LGALS8: variants seen among roughly 807,000 people sequenced by gnomAD.
LGALS8 encodes the protein galectin 8, also known as galectin-8.
LGALS8 carries 30 observed loss-of-function variants against 35.9 expected under a neutral mutation model. The ratio of observed to expected loss-of-function variants is 0.83; its 90% CI spans 0.62 to 1.13. The LOEUF is 1.13. Ranked by LOEUF, LGALS8 falls within the 50% of genes most tolerant of loss-of-function variation. The probability of loss-of-function intolerance (pLI) is 0.00; values close to 1 mark genes in which losing one functional copy is unlikely to be tolerated. For synonymous variants in LGALS8, 138 were observed against 136.1 expected (o/e 1.01, Z -0.10); for missense variants, 366 against 388.7 (o/e 0.94, Z 0.49).
intron 4 of LGALS8, among the ~76,000 whole-genome samples, chr1:236,539,580 T>C (rs1661820228): frequency 6.6e-6 from 1 of 151,190 alleles, no homozygotes. Context: ...ATGGAGTGTC[T>C]TGTACCTAGC....
rs1662575713 is a variant in LGALS8, at chr1:236,548,855, T to G, written c.*694T>G. On this transcript the variant is annotated 3_prime_UTR_variant, in exon 10 of 10. Coordinates refer to ENST00000366584, the MANE Select transcript of LGALS8 (RefSeq NM_201544.4). ...TGGCATGACATCTGAGCACAGAAAT[T>G]AAGGCAAAAAACCAAAGCAAAACAA... 1.0e-5 allele frequency: 4 copies of G among 398,158 alleles called. No individual in the cohort carries two copies. The highest frequency in any genetic ancestry group is 1.8e-5 in the Non-Finnish European group (4 of 225,888). The allele number at this position is 398,158 out of a possible 1,614,324, so 24.7% of individuals were successfully genotyped here.
intron 2 of LGALS8, among the ~76,000 whole-genome samples, chr1:236,530,698 C>T (rs1047613586): frequency 1.3e-5 from 2 of 152,198 alleles, no homozygotes; most frequent in Admixed American, 6.5e-5. Context: ...ACTTTTGCCT[C>T]CTCCCTTGTT....
intron 2 of LGALS8, among the ~76,000 whole-genome samples, chr1:236,535,568 G>A (rs780039258): frequency 1.5e-4 from 23 of 152,060 alleles, no homozygotes; most frequent in Non-Finnish European, 2.1e-4. Context: ...AGAGATTAAC[G>A]CTATGAAACC....
At chr1:236,522,852 A>G (rs867594007), upstream of LGALS8, among the ~76,000 whole-genome samples, 3 of 152,212 alleles carry the variant, frequency 2.0e-5, no homozygotes, top group Non-Finnish European at 4.4e-5. Context: ...GGAGGAGAGA[A>G]AAGCAACAGT....
chr1:236,546,185 A>T (rs2794783), intron 9 of LGALS8, among the ~76,000 whole-genome samples: 6 of 152,172 alleles, frequency 3.9e-5, no homozygotes, highest in Non-Finnish European at 7.4e-5. Context: ...CATTCCAGGC[A>T]TTTTTTTGCA....
At chr1:236,540,469 G>A (rs2103096138) in intron 4 of LGALS8, 95 bp from the exon 5 acceptor site, 1 of 1,373,980 alleles carries the variant, frequency 7.3e-7, no homozygotes, top group Non-Finnish European at 9.6e-7. Context: ...GTATAAAACT[G>A]GACGCAAGGA....
chr1:236,551,929 G>A lies in LGALS8; in HGVS notation c.*3768G>A. On this transcript the variant is annotated 3_prime_UTR_variant, in exon 10 of 10. Coordinates refer to ENST00000366584, the MANE Select transcript of LGALS8 (RefSeq NM_201544.4). Reference sequence around the variant, plus strand: ...ATATCCAAATCTGCATTATCATTGGGCACATTTTCACAGAATTTTACTGAA... The same window carrying A: ...ATATCCAAATCTGCATTATCATTGGACACATTTTCACAGAATTTTACTGAA... 1.0e-6 allele frequency: 1 copy of A among 995,684 alleles called. No homozygotes were observed. Among genetic ancestry groups the A allele is most frequent in the African/African-American group, 1.6e-5 (1 of 62,902 alleles). The allele number at this position is 995,684 out of a possible 1,614,324, so 61.7% of individuals were successfully genotyped here.
chr1:236,543,090 A>T, intron 7 of LGALS8: 1 of 1,536,352 alleles, frequency 6.5e-7, no homozygotes, highest in Non-Finnish European at 9.0e-7. Flanking sequence ...TTAAGTTGTA[A>T]TGAGCTGTTA....
chr1:236,547,934 C>CT, intron 9 of LGALS8, 78 bp from the exon 10 acceptor site: 1 of 1,270,850 alleles, frequency 7.9e-7, no homozygotes, highest in South Asian at 1.3e-5. Context: ...ATGGTTTACT[C>CT]TGACACCGTT....
Position 236,552,167 on chromosome 1 carries a change from G to A in LGALS8, c.*4006G>A. On this transcript the variant is annotated 3_prime_UTR_variant, in exon 10 of 10. Transcript: ENST00000366584. ...AGTGTTACTGTATTTATTATCTTAA[G>A]AGCTGTACTGACTTGAGACAAGCTC... 8.9e-7 allele frequency: 1 copy of A among 1,118,228 alleles called. No homozygotes were observed. The highest frequency in any genetic ancestry group is 1.8e-5 in the Admixed American group (1 of 56,038). The allele number at this position is 1,118,228 out of a possible 1,614,324, so 69.3% of individuals were successfully genotyped here.
chr1:236,551,257 T>TAGC lies in LGALS8; in HGVS notation c.*3097_*3099dup, dbSNP rs766166947. On this transcript the variant is annotated 3_prime_UTR_variant, in exon 10 of 10. Coordinates refer to ENST00000366584, the MANE Select transcript of LGALS8 (RefSeq NM_201544.4). ...CTTCCTAGGGATGCCACCCCTTTAG[T>TAGC]AGCTCACACCTCCCCCCTCCAAGAG... 7 of 443,856 alleles carry TAGC rather than the reference T, an allele frequency of 1.6e-5. No individual in the cohort carries two copies. The highest frequency in any genetic ancestry group is 2.8e-5 in the Non-Finnish European group (7 of 250,854). 27.5% of individuals were successfully genotyped at this position (443,856 alleles called of 1,614,324 possible). A position where few individuals can be genotyped will look rare whatever the true frequency, so the allele number is the denominator to read the frequency against.
intron 2 of LGALS8, among the ~76,000 whole-genome samples, chr1:236,528,629 G>T (rs1025273630): frequency 7.3e-6 from 1 of 137,352 alleles, no homozygotes; most frequent in Non-Finnish European, 1.5e-5. Flanking sequence ...TTACCCCACT[G>T]CAACCTCCAC....
At chr1:236,534,878 T>C (rs1047677187) in intron 2 of LGALS8, among the ~76,000 whole-genome samples, 1 of 151,922 alleles carries the variant, frequency 6.6e-6, no homozygotes, top group Non-Finnish European at 1.5e-5. Context: ...CCGGCCAACA[T>C]GGCAAAACCC....
intron 2 of LGALS8, 24 bp from the exon 3 acceptor site, chr1:236,537,473 C>T (rs1482210670): frequency 2.8e-6 from 4 of 1,431,682 alleles, no homozygotes; most frequent in Non-Finnish European, 3.0e-6. Flanking sequence ...TGTAAACGTA[C>T]ATTTGTTAAA....
Position 236,551,562 on chromosome 1 carries a change from C to T in LGALS8, c.*3401C>T, listed in dbSNP as rs1488596991. 2 of 159,632 alleles carry T rather than the reference C, an allele frequency of 1.3e-5. No individual in the cohort carries two copies. The highest frequency in any genetic ancestry group is 1.9e-4 in the South Asian group (1 of 5,202). The allele number at this position is 159,632 out of a possible 1,614,324, so 9.9% of individuals were successfully genotyped here. A position where few individuals can be genotyped will look rare whatever the true frequency, so the allele number is the denominator to read the frequency against. ...TAAGTGAGATAATCCAAGTAAAGCA[C>T]CTAACATGGAGTAGTGAATGAACAT... On this transcript the variant is annotated 3_prime_UTR_variant, in exon 10 of 10. Coordinates refer to ENST00000366584, the MANE Select transcript of LGALS8 (RefSeq NM_201544.4).
At position 236,526,773 on chromosome 1, in the gene LGALS8, G is replaced by A. The variant is rs1266483996; in HGVS notation, c.45+658G>A. Among the ~76,000 whole-genome samples, 1 of 152,198 alleles carries A rather than the reference G, an allele frequency of 6.6e-6. No individual in the cohort carries two copies. The highest frequency in any genetic ancestry group is 1.5e-5 in the Non-Finnish European group (1 of 68,040). On this transcript the variant is annotated intron_variant, in intron 2 of 9. Coordinates refer to ENST00000366584, the MANE Select transcript of LGALS8 (RefSeq NM_201544.4). The surrounding 1 kb of genome is among the most constrained non-coding windows in gnomAD (Gnocchi z 4.6). ...CTGAATCGAGGTCTGAAAAAGGACA[G>A]CCACTTTTTTAGTAAACCGCCTAGA...
intron 8 of LGALS8, among the ~76,000 whole-genome samples, chr1:236,544,521 ATTTTAAAGGGTTT>A (rs1004320445): frequency 3.0e-5 from 3 of 101,058 alleles, no homozygotes; most frequent in Admixed American, 9.5e-5. Flanking sequence ...CTCAACGCTG[ATTTTAAAGGGTTT>A]TTTTTTTCGT....
chr1:236,528,466 T>C (rs1302931320), intron 2 of LGALS8, among the ~76,000 whole-genome samples: 6 of 151,544 alleles, frequency 4.0e-5, no homozygotes, highest in African/African-American at 1.4e-4. Context: ...TAAGTAAATA[T>C]ATTTATTGTC....
chr1:236,543,835 GTGT>G (rs1662186137), intron 8 of LGALS8, among the ~76,000 whole-genome samples, 187 bp downstream of exon 8: 2 of 152,080 alleles, frequency 1.3e-5, no homozygotes, highest in South Asian at 4.1e-4. Flanking sequence ...GACTAAGGCC[GTGT>G]TCTGACCTCG....
Sources: allele counts gnomAD v4.1 joint callset (sites outside exome capture counted in the v4.1 genomes callset), GRCh38; gene constraint gnomAD v4.1.1; non-coding constraint Gnocchi (gnomAD v3.1); transcripts MANE v1.5; gene names NCBI Gene and HGNC (gene_info 2026-07-23, HGNC 2026-07-21).